The following FAM168B variants were observed in gnomAD, a reference collection of about 807,000 sequenced individuals.
FAM168B encodes the protein family with sequence similarity 168 member B.
Under a neutral mutation model 21.8 loss-of-function variants are expected in FAM168B, and 19 were observed. That is an observed-to-expected ratio of 0.87 (90% CI 0.61 to 1.28). The LOEUF (loss-of-function observed/expected upper bound fraction) is 1.28, where lower values mean the gene tolerates loss of function less well. Ranked by LOEUF, FAM168B falls within the 50% of genes most tolerant of loss-of-function variation. The probability of loss-of-function intolerance (pLI) is 0.00; values close to 1 mark genes in which losing one functional copy is unlikely to be tolerated. For synonymous variants in FAM168B, 126 were observed against 104.8 expected, an observed-to-expected ratio of 1.20 and a Z score of -1.24; for missense variants, 233 against 263.1, an observed-to-expected ratio of 0.89 and a Z score of 0.79.
intron 2 of FAM168B, among the ~76,000 whole-genome samples, chr2:131,079,593 T>C (rs1693332871): frequency 6.6e-6 from 1 of 152,256 alleles, no homozygotes; most frequent in East Asian, 1.9e-4. Context: ...AACTAGAAGA[T>C]GCAAGGAATG....
intron 3 of FAM168B, among the ~76,000 whole-genome samples, chr2:131,062,075 A>G (rs1223899285): frequency 6.6e-6 from 1 of 152,192 alleles, no homozygotes; most frequent in Admixed American, 6.5e-5. Flanking sequence ...TAAACCCACG[A>G]CCCACATCCA....
rs1691640193 is a variant in FAM168B at position 131,051,007 on chromosome 2, G to A, written c.*1458C>T. 1.0e-6 allele frequency: 1 copy of A among 985,320 alleles called. No homozygotes were observed. The highest frequency in any genetic ancestry group is 1.2e-6 in the Non-Finnish European group (1 of 829,972). The allele number at this position is 985,320 out of a possible 1,614,324, so 61.0% of individuals were successfully genotyped here. ...TATTTTGGGGGCGGGGTGGAGGGAA[G>A]CCTTTTCATTTCTTATGTACAAGAT... is the stretch of plus-strand genomic sequence containing the variant. On this transcript the variant is annotated 3_prime_UTR_variant, in exon 7 of 7. Transcript: ENST00000389915.
intron 3 of FAM168B, among the ~76,000 whole-genome samples, chr2:131,057,763 ATTAAAG>A (rs1692099636): frequency 6.6e-6 from 1 of 152,190 alleles, no homozygotes; most frequent in Non-Finnish European, 1.5e-5. Flanking sequence ...AGTAATAATA[ATTAAAG>A]TTAATTTTTA....
rs890246730 is a variant in FAM168B, at chr2:131,050,061, A to G, written c.*2404T>C. 20 of 985,362 alleles carry G rather than the reference A, an allele frequency of 2.0e-5. No homozygotes were observed. The highest frequency in any genetic ancestry group is 2.4e-5 in the Non-Finnish European group (20 of 829,946). The allele number at this position is 985,362 out of a possible 1,614,324, so 61.0% of individuals were successfully genotyped here. ...TTATTTCATAAAGCCTCTCAACTTCATAAAAGGGAAAAAAGGTTAAGTTAC... is the reference window on the plus strand; with the variant it reads ...TTATTTCATAAAGCCTCTCAACTTCGTAAAAGGGAAAAAAGGTTAAGTTAC... On this transcript the variant is annotated 3_prime_UTR_variant, in exon 7 of 7. Coordinates refer to ENST00000389915, the MANE Select transcript of FAM168B (RefSeq NM_001009993.4).
At chr2:131,087,693 G>A (rs2105594304) in intron 1 of FAM168B, among the ~76,000 whole-genome samples, 1 of 152,280 alleles carries the variant, frequency 6.6e-6, no homozygotes. Flanking sequence ...ACAGGCCTGA[G>A]TGGAGATGTC....
rs951810851 is a variant in FAM168B at position 131,051,043 on chromosome 2, A to C, written c.*1422T>G. 1 of 985,236 alleles carries C rather than the reference A, an allele frequency of 1.0e-6. No homozygotes were observed. Among genetic ancestry groups the C allele is most frequent in the African/African-American group, 1.7e-5 (1 of 57,202 alleles). 61.0% of individuals were successfully genotyped at this position (985,236 alleles called of 1,614,324 possible). On this transcript the variant is annotated 3_prime_UTR_variant, in exon 7 of 7. Transcript: ENST00000389915. ...TCTTATGTACAAGATTCAGATCCTA[A>C]ACTCAAATTCCTCTCCCACAATAAA...
intron 1 of FAM168B, among the ~76,000 whole-genome samples, chr2:131,088,315 G>A (rs1180220135): frequency 6.6e-6 from 1 of 151,948 alleles, no homozygotes; most frequent in Non-Finnish European, 1.5e-5. Context: ...GGAGTAGGAG[G>A]GAATATGCTG....
chr2:131,063,292 G>A (rs535309154), intron 3 of FAM168B, among the ~76,000 whole-genome samples: 36 of 152,228 alleles, frequency 2.4e-4, no homozygotes, highest in Non-Finnish European at 4.9e-4. Flanking sequence ...AGTCACCAAC[G>A]ATTTCTAATC....
chr2:131,082,526 T>C (rs771818556), intron 2 of FAM168B, 51 bp downstream of exon 2: 1 of 1,256,540 alleles, frequency 8.0e-7, no homozygotes, highest in South Asian at 1.3e-5. Flanking sequence ...GACATGAAAA[T>C]ATACCAAGTA....
At chr2:131,064,264 C>T (rs993568033) in intron 3 of FAM168B, among the ~76,000 whole-genome samples, 5 of 151,628 alleles carry the variant, frequency 3.3e-5, no homozygotes, top group African/African-American at 1.2e-4. Context: ...CTGTGTACCA[C>T]GCGGATTTTT....
At chr2:131,057,648 A>G (rs889297749) in intron 3 of FAM168B, among the ~76,000 whole-genome samples, 3 of 152,202 alleles carry the variant, frequency 2.0e-5, no homozygotes, top group East Asian at 1.9e-4. Flanking sequence ...AGCTGAGTAT[A>G]AAGAATTTTG....
intron 3 of FAM168B, among the ~76,000 whole-genome samples, chr2:131,067,782 A>G (rs983362918): frequency 4.5e-4 from 68 of 152,116 alleles, no homozygotes; most frequent in African/African-American, 1.5e-3. Flanking sequence ...AAGACAGAGA[A>G]AAAGCAGCAG....
At chr2:131,062,529 C>A (rs193197567) in intron 3 of FAM168B, among the ~76,000 whole-genome samples, 16 of 152,310 alleles carry the variant, frequency 1.1e-4, no homozygotes, top group Non-Finnish European at 2.1e-4. Context: ...CTCACTGCAA[C>A]CTCTGCCTCC....
At chr2:131,059,841 GATA>G (rs780703151) in intron 3 of FAM168B, among the ~76,000 whole-genome samples, 1 of 152,144 alleles carries the variant, frequency 6.6e-6, no homozygotes, top group African/African-American at 2.4e-5. Flanking sequence ...ATCTTTTAAA[GATA>G]ATATTTAAAA....
chr2:131,089,524 AG>A (rs1393571873), intron 1 of FAM168B, among the ~76,000 whole-genome samples: 1 of 150,226 alleles, frequency 6.7e-6, no homozygotes. Flanking sequence ...CAAGGTCAGG[AG>A]ATCGAGACCA....
At chr2:131,089,206 TCCG>T (rs764073802) in intron 1 of FAM168B, among the ~76,000 whole-genome samples, 21 of 151,960 alleles carry the variant, frequency 1.4e-4, no homozygotes, top group Admixed American at 5.9e-4. Context: ...CCTCAGGTGA[TCCG>T]CCAGTCTTGG....
chr2:131,052,834 T>C lies in FAM168B; in HGVS notation c.*12+57A>G, dbSNP rs1291394973. The C allele has an allele frequency of 3.3e-6, 5 of 1,533,610 alleles. No homozygotes were observed. The East Asian group carries it at 1.0e-4, about 31-fold the overall frequency. On this transcript the variant is annotated intron_variant, in intron 6 of 6. Transcript: ENST00000389915. The stretch of plus-strand genomic sequence containing the variant: ...CTTAAATATGTGGTAAATTTGCCAC[T>C]GTCCCATGGAAATGCCCTTTCATCA...
intron 2 of FAM168B, among the ~76,000 whole-genome samples, chr2:131,075,747 C>A (rs1693120499): frequency 6.6e-6 from 1 of 152,156 alleles, no homozygotes; most frequent in South Asian, 2.1e-4. Context: ...CCCGGCCTCC[C>A]AAAGTGCTGG....
intron 2 of FAM168B, among the ~76,000 whole-genome samples, chr2:131,079,329 G>C (rs773291094): frequency 6.6e-6 from 1 of 152,144 alleles, no homozygotes; most frequent in South Asian, 2.1e-4. Flanking sequence ...TTAGTCGGGC[G>C]TGGTGGCACG....
Sources: gnomAD v4.1 joint callset for allele counts (sites outside exome capture counted in the v4.1 genomes callset) on GRCh38, gnomAD v4.1.1 for gene constraint, MANE v1.5 for transcripts, NCBI Gene and HGNC (gene_info 2026-07-23, HGNC 2026-07-21) for gene names.